FRMD4B: variants seen among roughly 807,000 people sequenced by gnomAD.
The protein encoded by FRMD4B is FERM domain containing 4B, also known as FERM domain-containing protein 4B.
FRMD4B carries 74 observed loss-of-function variants against 141.5 expected under a neutral mutation model. The ratio of observed to expected loss-of-function variants is 0.52; its 90% CI spans 0.43 to 0.63. FRMD4B has a LOEUF of 0.63. FRMD4B is among the 30% of genes least tolerant of loss of function. The pLI is 0.00. For missense variants in FRMD4B, 1,366 were observed against 1,253.4 expected, an observed-to-expected ratio of 1.09 and a Z score of -1.36; for synonymous variants, 506 against 467.9, an observed-to-expected ratio of 1.08 and a Z score of -1.05.
At chr3:69,264,128 T>G (rs1236606330) in intron 5 of FRMD4B, among the ~76,000 whole-genome samples, 1 of 152,166 alleles carries the variant, frequency 6.6e-6, no homozygotes, top group Non-Finnish European at 1.5e-5. Flanking sequence ...AGACCTCCAT[T>G]GGCATTACTG....
intron 7 of FRMD4B, among the ~76,000 whole-genome samples, chr3:69,243,818 G>A (rs1575650532): frequency 6.6e-6 from 1 of 152,150 alleles, no homozygotes. Context: ...GGCCTAGACG[G>A]GCAGATCACC....
chr3:69,438,750 C>T (rs1282741122), intron 1 of FRMD4B, among the ~76,000 whole-genome samples: 1 of 152,098 alleles, frequency 6.6e-6, no homozygotes, highest in African/African-American at 2.4e-5. Flanking sequence ...AGTACTGCCT[C>T]CCACCACCCA....
chr3:69,284,684 T>C (rs1306621449), intron 5 of FRMD4B, among the ~76,000 whole-genome samples: 1 of 152,062 alleles, frequency 6.6e-6, no homozygotes, highest in Admixed American at 6.6e-5. Flanking sequence ...GGCATGCAAA[T>C]AGGCAGAGAA....
At chr3:69,186,054 A>G (rs73114355) in intron 19 of FRMD4B, among the ~76,000 whole-genome samples, 9,631 of 151,824 alleles carry the variant, frequency 0.063, 424 homozygotes, top group Middle Eastern at 0.1. Flanking sequence ...AAAAAAAAAA[A>G]AGTAAGTGCT....
intron 2 of FRMD4B, among the ~76,000 whole-genome samples, chr3:69,396,070 C>G (rs1403741748): frequency 1.3e-5 from 2 of 152,178 alleles, no homozygotes. Flanking sequence ...GGTTGTCTGT[C>G]CACCACCTAT....
rs547410234 is a variant in FRMD4B at position 69,474,990 on chromosome 3, G to T, written c.-128-42229C>A. On this transcript the variant is annotated intron_variant, in intron 1 of 5. Coordinates refer to the FRMD4B transcript ENST00000459638. ...CTTAGACCAAAAGAATGTGTTTGAG[G>T]GAAAAAGGAAATGTCTTGCTGTTGG... 6.6e-5 allele frequency among the ~76,000 whole-genome samples: 10 copies of T among 152,162 alleles called. No individual in the cohort carries two copies. In the South Asian group the frequency reaches 1.2e-3, roughly 19 times the overall value.
intron 1 of FRMD4B, among the ~76,000 whole-genome samples, chr3:69,496,953 C>T (rs1706412263): frequency 6.6e-6 from 1 of 151,924 alleles, no homozygotes. Flanking sequence ...GCTTGCTTCC[C>T]CATCCATTGC....
chr3:69,195,447 A>C, intron 14 of FRMD4B, 83 bp from the exon 15 acceptor site: 1 of 1,094,340 alleles, frequency 9.1e-7, no homozygotes, highest in Non-Finnish European at 1.3e-6. Context: ...TTTAAGCTAA[A>C]GCTGCTATTA....
At chr3:69,308,931 A>C (rs929870485) in intron 3 of FRMD4B, among the ~76,000 whole-genome samples, 7 of 152,088 alleles carry the variant, frequency 4.6e-5, no homozygotes, top group African/African-American at 1.7e-4. Flanking sequence ...TTTCTTGGTC[A>C]TGGCCTTTTA....
chr3:69,249,011 G>A (rs1462749232), intron 7 of FRMD4B, among the ~76,000 whole-genome samples: 1 of 152,130 alleles, frequency 6.6e-6, no homozygotes, highest in Non-Finnish European at 1.5e-5. Flanking sequence ...TGGTTCCATC[G>A]CTGTCATTCT....
intron 1 of FRMD4B, among the ~76,000 whole-genome samples, chr3:69,474,415 C>T (rs1403628566): frequency 1.3e-5 from 2 of 152,040 alleles, no homozygotes; most frequent in South Asian, 2.1e-4. Context: ...TATTGCTGCT[C>T]ACTTCCTCAT....
At chr3:69,454,292 C>T (rs957392460) in intron 1 of FRMD4B, among the ~76,000 whole-genome samples, 6 of 152,376 alleles carry the variant, frequency 3.9e-5, no homozygotes, top group African/African-American at 1.4e-4. Context: ...TGGCAGCCCT[C>T]GCTTGCTCTC....
upstream of FRMD4B, among the ~76,000 whole-genome samples, chr3:69,389,953 G>T (rs765503856): frequency 2.8e-4 from 43 of 151,470 alleles, no homozygotes; most frequent in Non-Finnish European, 5.7e-4. Flanking sequence ...TTCCTCCTCA[G>T]CACAGAGTTC....
intron 4 of FRMD4B, among the ~76,000 whole-genome samples, chr3:69,299,705 T>C (rs1004193809): frequency 7.2e-5 from 11 of 152,266 alleles, no homozygotes; most frequent in Non-Finnish European, 8.8e-5. Flanking sequence ...ATCTTCATTG[T>C]TGGCATTAGG....
chr3:69,462,544 T>C (rs1262575735), intron 1 of FRMD4B, among the ~76,000 whole-genome samples: 1 of 152,232 alleles, frequency 6.6e-6, no homozygotes, highest in Non-Finnish European at 1.5e-5. Flanking sequence ...TTAAGTCACT[T>C]GCCCAAAGCT....
rs539659491 is a variant in FRMD4B, at chr3:69,536,145, C to G, written c.-129+6061G>C. On this transcript the variant is annotated intron_variant, in intron 1 of 5. Transcript: ENST00000459638. ...GTGGCTGCACCTGGCTTGGGAGGAG[C>G]CTTCTGCACCTCTGCTGGCCTCTTC... 5.2e-4 allele frequency: 264 copies of G among 506,624 alleles called. 2 individuals carry two copies. Among genetic ancestry groups the G allele is most frequent in the South Asian group, 4.0e-3 (202 of 50,240 alleles). 31.4% of individuals were successfully genotyped at this position (506,624 alleles called of 1,614,324 possible).
intron 1 of FRMD4B, among the ~76,000 whole-genome samples, chr3:69,482,790 G>A (rs1046818274): frequency 6.6e-6 from 1 of 152,212 alleles, no homozygotes; most frequent in African/African-American, 2.4e-5. Context: ...CCCCATAGGG[G>A]TGCCTAAATA....
Position 69,285,996 on chromosome 3 carries a change from A to T in FRMD4B, c.501+1756T>A, listed in dbSNP as rs148906340. 4.6e-5 allele frequency among the ~76,000 whole-genome samples: 7 copies of T among 152,340 alleles called. No individual in the cohort carries two copies. In the East Asian group the frequency reaches 1.3e-3, roughly 29 times the overall value. On this transcript the variant is annotated intron_variant, in intron 5 of 22. Coordinates refer to ENST00000398540, the MANE Select transcript of FRMD4B (RefSeq NM_015123.3). ...AAACAATGCAAGCAAGAAGATAGTG[A>T]ATCAGTATTTCTAAAGTACGGAGAG...
At chr3:69,289,469 C>T (rs527748354) in intron 4 of FRMD4B, among the ~76,000 whole-genome samples, 12 of 152,248 alleles carry the variant, frequency 7.9e-5, no homozygotes, top group African/African-American at 2.2e-4. Flanking sequence ...GTCCACTGCC[C>T]CGGACACTGT....
Sources: allele counts gnomAD v4.1 joint callset (sites outside exome capture counted in the v4.1 genomes callset), GRCh38; gene constraint gnomAD v4.1.1; transcripts MANE v1.5; gene names NCBI Gene and HGNC (gene_info 2026-07-23, HGNC 2026-07-21).